The following WDR70 variants were observed in gnomAD, a reference collection of about 807,000 sequenced individuals.
WDR70 encodes WD repeat domain 70.
A neutral mutation model predicts 88.6 loss-of-function variants in WDR70; 53 were observed. That is an observed-to-expected ratio of 0.60 (90% confidence interval 0.48 to 0.75). WDR70 has a LOEUF of 0.75. WDR70 is among the 30% of genes least tolerant of loss of function. WDR70 has a pLI of 0.00. For missense variants in WDR70, 610 were observed against 823.2 expected, an observed-to-expected ratio of 0.74 and a Z score of 3.17; for synonymous variants, 280 against 270.0, an observed-to-expected ratio of 1.04 and a Z score of -0.36.
chr5:37,724,146 T>C (rs1310083415), intron 15 of WDR70: 1 of 152,006 alleles, frequency 6.6e-6, no homozygotes, highest in African/African-American at 2.4e-5. Context: ...CTAGTACTTT[T>C]CTGGGGCAAA....
At chr5:37,535,451 T>G (rs927316251) in intron 9 of WDR70, among the ~76,000 whole-genome samples, 1 of 152,104 alleles carries the variant, frequency 6.6e-6, no homozygotes, top group Non-Finnish European at 1.5e-5. Flanking sequence ...AAATAAGGTG[T>G]TGTGGGCTAA....
intron 10 of WDR70, among the ~76,000 whole-genome samples, chr5:37,613,502 A>G (rs976181777): frequency 6.6e-6 from 1 of 152,198 alleles, no homozygotes; most frequent in Non-Finnish European, 1.5e-5. Context: ...GATTTGTCTT[A>G]TAATTCCCTC....
intron 10 of WDR70, among the ~76,000 whole-genome samples, chr5:37,667,799 A>G (rs2112586991): frequency 7.4e-6 from 1 of 134,802 alleles, no homozygotes; most frequent in Middle Eastern, 3.8e-3. Context: ...TTCTCCAGTG[A>G]GGTCCAGAGA....
intron 6 of WDR70, 51 bp downstream of exon 6, chr5:37,438,032 G>A: frequency 1.3e-6 from 2 of 1,498,996 alleles, no homozygotes; most frequent in Non-Finnish European, 1.8e-6. Flanking sequence ...GGGCTGTCAT[G>A]GAAAAGTGAA....
At chr5:37,417,688 AC>A (rs1749804463) in intron 5 of WDR70, among the ~76,000 whole-genome samples, 4 of 151,668 alleles carry the variant, frequency 2.6e-5, no homozygotes. Context: ...GCAGGCGTGC[AC>A]CCCCATGCCG....
At chr5:37,452,557 T>G (rs1738707112) in intron 7 of WDR70, among the ~76,000 whole-genome samples, 1 of 152,218 alleles carries the variant, frequency 6.6e-6, no homozygotes, top group Middle Eastern at 3.2e-3. Context: ...TGAGCCACCA[T>G]GCCCCTGCCT....
At chr5:37,453,606 G>C (rs1443960814) in intron 7 of WDR70, among the ~76,000 whole-genome samples, 2 of 152,238 alleles carry the variant, frequency 1.3e-5, no homozygotes, top group East Asian at 3.8e-4. Context: ...TCACAGTGCT[G>C]CAGAGATTTG....
chr5:37,722,564 T>C (rs1561091098), intron 14 of WDR70: 1 of 330,428 alleles, frequency 3.0e-6, no homozygotes, highest in East Asian at 5.9e-5. Flanking sequence ...TTATTTAAGA[T>C]CTTAAAATTT....
chr5:37,437,887 T>G (rs1402020155), intron 5 of WDR70, 35 bp from the exon 6 acceptor site: 12 of 1,583,626 alleles, frequency 7.6e-6, no homozygotes, highest in Non-Finnish European at 1.0e-5. Flanking sequence ...AATATGTTAT[T>G]TTACCATTAA....
At chr5:37,482,524 A>T (rs911554392) in intron 8 of WDR70, among the ~76,000 whole-genome samples, 8 of 152,170 alleles carry the variant, frequency 5.3e-5, no homozygotes, top group African/African-American at 1.9e-4. Context: ...TATGGGGGGA[A>T]CCGTCCCCAT....
intron 9 of WDR70, among the ~76,000 whole-genome samples, chr5:37,525,809 CG>C (rs1554146909): frequency 6.6e-6 from 1 of 151,986 alleles, no homozygotes; most frequent in Non-Finnish European, 1.5e-5. Flanking sequence ...ATATCACCAC[CG>C]ATCTCACAGA....
chr5:37,482,608 G>A (rs527995947), intron 8 of WDR70, among the ~76,000 whole-genome samples: 30 of 152,218 alleles, frequency 2.0e-4, no homozygotes, highest in African/African-American at 7.2e-4. Context: ...ATTTGGGTGG[G>A]GACACATCCA....
intron 13 of WDR70, among the ~76,000 whole-genome samples, chr5:37,707,981 A>G (rs1205028961): frequency 9.6e-6 from 1 of 104,346 alleles, no homozygotes; most frequent in Non-Finnish European, 1.9e-5. Context: ...ATATATATAT[A>G]TATATATATA....
At chr5:37,461,214 G>A (rs1738993987) in intron 7 of WDR70, among the ~76,000 whole-genome samples, 1 of 151,714 alleles carries the variant, frequency 6.6e-6, no homozygotes, top group African/African-American at 2.4e-5. Flanking sequence ...ATATTTATCT[G>A]GTCCTTCACA....
At chr5:37,553,754 G>C (rs953095246) in intron 9 of WDR70, among the ~76,000 whole-genome samples, 3 of 152,194 alleles carry the variant, frequency 2.0e-5, no homozygotes, top group Admixed American at 6.5e-5. Flanking sequence ...TCTGAGGACA[G>C]GCTCTGGAGC....
At chr5:37,448,188 C>A (rs1219322995) in intron 7 of WDR70, among the ~76,000 whole-genome samples, 1 of 151,968 alleles carries the variant, frequency 6.6e-6, no homozygotes, top group Non-Finnish European at 1.5e-5. Context: ...TTATTCTTTT[C>A]AATGTTTAAA....
intron 9 of WDR70, among the ~76,000 whole-genome samples, chr5:37,583,040 T>A (rs1034420923): frequency 2.6e-5 from 4 of 152,244 alleles, no homozygotes; most frequent in African/African-American, 9.6e-5. Flanking sequence ...TATTTTCTCA[T>A]TTGAACTCTG....
At chr5:37,397,616 T>G (rs1749058623) in intron 5 of WDR70, among the ~76,000 whole-genome samples, 1 of 152,266 alleles carries the variant, frequency 6.6e-6, no homozygotes, top group South Asian at 2.1e-4. Flanking sequence ...AGTTCATTGC[T>G]TTGTAAATGT....
At chr5:37,399,898 G>C (rs964452453) in intron 5 of WDR70, among the ~76,000 whole-genome samples, 1 of 151,964 alleles carries the variant, frequency 6.6e-6, no homozygotes, top group African/African-American at 2.4e-5. Flanking sequence ...GATTAACTTC[G>C]TGTAGAATAC....
Sources: allele counts gnomAD v4.1 joint callset (sites outside exome capture counted in the v4.1 genomes callset), GRCh38; gene constraint gnomAD v4.1.1; transcripts MANE v1.5; gene names NCBI Gene and HGNC (gene_info 2026-07-23, HGNC 2026-07-21).